SGSM2: variants seen among roughly 807,000 people sequenced by gnomAD.
The protein encoded by SGSM2 is RUN and TBC1 domain containing 1.
SGSM2 carries 89 observed loss-of-function variants against 126.6 expected under a neutral mutation model. The observed-to-expected ratio is 0.70, with a 90% CI of 0.59 to 0.84. The LOEUF is 0.84. Among genes scored for constraint, SGSM2 ranks in the 40% least tolerant of loss-of-function variants. The pLI is 0.00. For synonymous variants in SGSM2, 614 were observed against 574.3 expected (o/e 1.07, Z -0.99); for missense variants, 1,404 against 1,416.6 (o/e 0.99, Z 0.14).
rs2064244598 is a variant in SGSM2, at chr17:2,339,376, A to G, written c.57+1631A>G. The stretch of plus-strand genomic sequence containing the variant: ...GCTTGAACCCAGGAGGTGTGGTTGC[A>G]GTGAGCCAAGATCGAACCACTGCAG... On this transcript the variant is annotated intron_variant, in intron 1 of 23. Transcript: ENST00000268989. Among the ~76,000 whole-genome samples, 4 of 152,106 alleles carry G rather than the reference A, an allele frequency of 2.6e-5. No homozygotes were observed. In the South Asian group the frequency reaches 8.3e-4, roughly 31 times the overall value.
intron 9 of SGSM2, 96 bp downstream of exon 9, chr17:2,364,759 C>G: frequency 1.3e-6 from 2 of 1,560,336 alleles, no homozygotes. Flanking sequence ...CCTCGTCCTC[C>G]TCCCATCCTT....
intron 23 of SGSM2, 72 bp from the exon 24 acceptor site, chr17:2,379,360 G>A: frequency 6.4e-7 from 1 of 1,572,314 alleles, no homozygotes; most frequent in East Asian, 2.3e-5. Context: ...AAACAGAGCA[G>A]GGTAGTCAGC....
rs1468882479 is a variant in SGSM2, at chr17:2,376,196, G to A, written c.2544G>A (p.Arg848=). 2.5e-6 allele frequency: 4 copies of A among 1,614,112 alleles called. No individual in the cohort carries two copies. The highest frequency in any genetic ancestry group is 3.4e-6 in the Non-Finnish European group (4 of 1,180,034). Reference sequence around the variant, plus strand: ...ACCGCATAGACAAGGATGTGCAGAGGTGTGACCGCAACTACTGGTACTTCA... The same window carrying A: ...ACCGCATAGACAAGGATGTGCAGAGATGTGACCGCAACTACTGGTACTTCA... The part of the protein sequence containing the change: ...NLHRIDKDVQ[R]CDRNYWYFTP... Residue 848 remains arginine (R), a synonymous_variant, in exon 19 of 24, where the codon AGG becomes AGA. Transcript: ENST00000268989.
At chr17:2,340,446 A>T (rs908705998) in intron 1 of SGSM2, among the ~76,000 whole-genome samples, 1 of 152,166 alleles carries the variant, frequency 6.6e-6, no homozygotes, top group Non-Finnish European at 1.5e-5. Context: ...ACCAGTGCTT[A>T]GAAACTGGAC....
At position 2,362,994 on chromosome 17, in the gene SGSM2, C is replaced by T; in HGVS notation, c.532C>T (p.Pro178Ser). 2 of 1,614,060 alleles carry T rather than the reference C, an allele frequency of 1.2e-6. No individual in the cohort carries two copies. Among genetic ancestry groups the T allele is most frequent in the South Asian group, 2.2e-5 (2 of 91,088 alleles). ...GPILASLLVG[P>S]CALEYTKLKT... ...GGCTGTCTCTGTCTCCACAGTGGGA[C>T]CCTGTGCCTTGGAATACACTAAGCT... The change falls in exon 6 of 24, where the codon CCC becomes TCC. Residue 178 changes from proline (P) to serine (S), a missense_variant. Coordinates refer to ENST00000268989, the MANE Select transcript of SGSM2 (RefSeq NM_014853.3). The surrounding 1 kb of genome is among the most constrained non-coding windows in gnomAD (Gnocchi z 4.9).
chr17:2,373,875 G>T, intron 17 of SGSM2: 1 of 217,294 alleles, frequency 4.6e-6, no homozygotes, highest in Non-Finnish European at 9.2e-6. Flanking sequence ...GAATGTCTCT[G>T]GGCAAGCACT....
rs2065374217 is a variant in SGSM2, at chr17:2,362,735, T to A, written c.459-103T>A. The A allele has an allele frequency of 8.6e-7, 1 of 1,161,596 alleles. No homozygotes were observed. 72.0% of individuals were successfully genotyped at this position (1,161,596 alleles called of 1,614,324 possible). A position where few individuals can be genotyped will look rare whatever the true frequency, so the allele number is the denominator to read the frequency against. On this transcript the variant is annotated intron_variant, in intron 4 of 23. Coordinates refer to ENST00000268989, the MANE Select transcript of SGSM2 (RefSeq NM_014853.3). This position sits in a 1 kb window ranked among gnomAD's most constrained non-coding sequence, Gnocchi z 4.9. The stretch of plus-strand genomic sequence containing the variant: ...TAAGGACTCACTGTTTCTTGATGAC[T>A]GATCTGAATCTGGTCTTTGTGGGGA...
In SGSM2 at chr17:2,375,766, C is replaced by G; in HGVS notation, c.2375C>G (p.Pro792Arg). The G allele has an allele frequency of 1.3e-6, 2 of 1,597,934 alleles. No individual in the cohort carries two copies. Among genetic ancestry groups the G allele is most frequent in the Non-Finnish European group, 1.7e-6 (2 of 1,170,614 alleles). Residue 792 changes from proline (P) to arginine (R), a missense_variant, in exon 18 of 24, where the codon CCT (proline) becomes CGT (arginine). Coordinates refer to ENST00000268989, the MANE Select transcript of SGSM2 (RefSeq NM_014853.3). Reference protein sequence around the residue: ...GGEEGSSGPGPAAHTLREPQD... With the variant: ...GGEEGSSGPGRAAHTLREPQD... ...GAGGAAGGCTCCAGTGGGCCCGGCC[C>G]TGCAGCTCACACTTTGAGGGAGCCC... is the stretch of plus-strand genomic sequence containing the variant.
Position 2,372,012 on chromosome 17 carries a change from C to T in SGSM2, c.1578-178C>T. 1.4e-6 allele frequency: 1 copy of T among 703,616 alleles called. No homozygotes were observed. The highest frequency in any genetic ancestry group is 1.8e-5 in the South Asian group (1 of 55,786). The allele number at this position is 703,616 out of a possible 1,614,324, so 43.6% of individuals were successfully genotyped here. Reference sequence around the variant, plus strand: ...GGCCAGGCGGGGGCCCCACAGCACTCTGTCCAGGTGGCAGGCAGGGACAGG... The same window carrying T: ...GGCCAGGCGGGGGCCCCACAGCACTTTGTCCAGGTGGCAGGCAGGGACAGG... On this transcript the variant is annotated intron_variant, in intron 13 of 23. Transcript: ENST00000268989. This position sits in a 1 kb window ranked among gnomAD's most constrained non-coding sequence, Gnocchi z 6.0.
intron 22 of SGSM2, among the ~76,000 whole-genome samples, chr17:2,378,275 AAAAAG>A (rs1026054183): frequency 6.6e-6 from 1 of 152,110 alleles, no homozygotes; most frequent in African/African-American, 2.4e-5. Context: ...TTAATTTTTA[AAAAAG>A]AAAGAAAAAA....
chr17:2,367,064 T>C lies in SGSM2; in HGVS notation c.1289-207T>C, dbSNP rs746845450. On this transcript the variant is annotated intron_variant, in intron 11 of 23. Transcript: ENST00000268989. The surrounding 1 kb of genome is among the most constrained non-coding windows in gnomAD (Gnocchi z 4.0). ...AGAGGCTGCCTCCGAAGAGTGAGGT[T>C]CTGCAGCTGCCCCAGCCCCTCGCCT... 2 of 567,166 alleles carry C rather than the reference T, an allele frequency of 3.5e-6. No homozygotes were observed. Among genetic ancestry groups the C allele is most frequent in the Non-Finnish European group, 6.2e-6 (2 of 321,646 alleles). The allele number at this position is 567,166 out of a possible 1,614,324, so 35.1% of individuals were successfully genotyped here.
rs1031983880 is a variant in SGSM2 at position 2,363,141 on chromosome 17, GC to G, written c.672+12del. The G allele has an allele frequency of 4.4e-6, 7 of 1,591,092 alleles. No individual in the cohort carries two copies. In the Admixed American group the frequency reaches 7.1e-5, roughly 16 times the overall value. On this transcript the variant is annotated splice_region_variant and intron_variant, in intron 6 of 23. Transcript: ENST00000268989. The surrounding 1 kb of genome is among the most constrained non-coding windows in gnomAD (Gnocchi z 4.2). ...AAAGCGCCCAGCCCTGGGGGTAGGT[GC>G]CCCCTCCCCACCCTTTGGGCTCATC...
In SGSM2 at chr17:2,362,035, C is replaced by A; in HGVS notation, c.297-74C>A. On this transcript the variant is annotated intron_variant, in intron 3 of 23. Transcript: ENST00000268989. The surrounding 1 kb of genome is among the most constrained non-coding windows in gnomAD (Gnocchi z 4.9). ...GTGCTCCCATCTTGGGGTACCAAGC[C>A]CCACTCCCAATGCCAGCATTCTGGG... 1 of 1,527,372 alleles carries A rather than the reference C, an allele frequency of 6.5e-7. No homozygotes were observed. The allele number at this position is 1,527,372 out of a possible 1,614,324, so 94.6% of individuals were successfully genotyped here.
chr17:2,371,447 G>A (rs370386224), intron 13 of SGSM2, 32 bp downstream of exon 13: 16 of 1,559,756 alleles, frequency 1.0e-5, no homozygotes, highest in African/African-American at 8.2e-5. Context: ...CCAGCTTCCC[G>A]TTAGCGTGTC....
rs1449513489 is a variant in SGSM2, at chr17:2,362,015, C to A, written c.297-94C>A. ...CCAACCCCAGTCAGTTCTCTGTGCTCCCATCTTGGGGTACCAAGCCCCACT... is the reference window on the plus strand; with the variant it reads ...CCAACCCCAGTCAGTTCTCTGTGCTACCATCTTGGGGTACCAAGCCCCACT... On this transcript the variant is annotated intron_variant, in intron 3 of 23. Coordinates refer to ENST00000268989, the MANE Select transcript of SGSM2 (RefSeq NM_014853.3). This position sits in a 1 kb window ranked among gnomAD's most constrained non-coding sequence, Gnocchi z 4.9. 5.4e-6 allele frequency: 8 copies of A among 1,470,200 alleles called. No individual in the cohort carries two copies. The highest frequency in any genetic ancestry group is 1.4e-5 in the African/African-American group (1 of 71,108). The allele number at this position is 1,470,200 out of a possible 1,614,324, so 91.1% of individuals were successfully genotyped here. A position where few individuals can be genotyped will look rare whatever the true frequency, so the allele number is the denominator to read the frequency against.
chr17:2,349,519 A>G (rs937315048), intron 2 of SGSM2, among the ~76,000 whole-genome samples: 2 of 152,172 alleles, frequency 1.3e-5, no homozygotes, highest in Non-Finnish European at 2.9e-5. Flanking sequence ...AGGAAATTTG[A>G]TAATATAAAG....
chr17:2,353,076 C>T (rs931148018), intron 2 of SGSM2, among the ~76,000 whole-genome samples: 4 of 152,076 alleles, frequency 2.6e-5, no homozygotes, highest in African/African-American at 7.2e-5. Context: ...CGCGCCCGGC[C>T]CACTGCTGCA....
Position 2,375,665 on chromosome 17 carries a change from C to A in SGSM2, c.2274C>A (p.Tyr758Ter). The A allele has an allele frequency of 6.2e-7, 1 of 1,614,000 alleles. No individual in the cohort carries two copies. The highest frequency in any genetic ancestry group is 8.5e-7 in the Non-Finnish European group (1 of 1,179,990). ...PDSGLPSSRN[Y>*]SVASGIQSSL... is the part of the protein sequence containing the mutation. ...CAGGACTGCCCTCCTCTCGCAATTA[C>A]TCCGTGGCCTCGGGCATCCAGTCAA... is the stretch of plus-strand genomic sequence containing the variant. Residue 758 changes from tyrosine (Y) to a stop codon, truncating the protein, a stop_gained, in exon 18 of 24, where the codon TAC becomes TAA. Coordinates refer to ENST00000268989, the MANE Select transcript of SGSM2 (RefSeq NM_014853.3). LOFTEE classifies it high-confidence loss of function.
At position 2,372,861 on chromosome 17, in the gene SGSM2, C is replaced by T. The variant is rs143368436; in HGVS notation, c.1789-92C>T. 70 of 1,490,882 alleles carry T rather than the reference C, an allele frequency of 4.7e-5. No individual in the cohort carries two copies. Among genetic ancestry groups the T allele is most frequent in the East Asian group, 1.5e-4 (6 of 40,486 alleles). 92.4% of individuals were successfully genotyped at this position (1,490,882 alleles called of 1,614,324 possible). A position where few individuals can be genotyped will look rare whatever the true frequency, so the allele number is the denominator to read the frequency against. ...GGGCTTCAGCAGTCACTACAGGCCC[C>T]GCCCCAGCCCATTCTCCGTGGGATG... On this transcript the variant is annotated intron_variant, in intron 15 of 23. Coordinates refer to ENST00000268989, the MANE Select transcript of SGSM2 (RefSeq NM_014853.3). The surrounding 1 kb of genome is among the most constrained non-coding windows in gnomAD (Gnocchi z 6.0).
Sources: allele counts gnomAD v4.1 joint callset (sites outside exome capture counted in the v4.1 genomes callset), GRCh38; gene constraint gnomAD v4.1.1; non-coding constraint Gnocchi (gnomAD v3.1); transcripts MANE v1.5; gene names NCBI Gene and HGNC (gene_info 2026-07-23, HGNC 2026-07-21).